ACSM1: variants seen among roughly 807,000 people sequenced by gnomAD.
The protein encoded by ACSM1 is acyl-CoA synthetase medium chain family member 1.
A neutral mutation model predicts 75.8 loss-of-function variants in ACSM1; 79 were observed. The ratio of observed to expected loss-of-function variants is 1.04; its 90% CI spans 0.87 to 1.26. ACSM1 has a LOEUF of 1.26. Ranked by LOEUF, ACSM1 falls within the 50% of genes most tolerant of loss-of-function variation. The pLI is 0.00. For synonymous variants in ACSM1, 279 were observed against 265.8 expected, an observed-to-expected ratio of 1.05 and a Z score of -0.48; for missense variants, 676 against 720.1, an observed-to-expected ratio of 0.94 and a Z score of 0.70.
chr16:20,642,618 T>C (rs1330674850), intron 7 of ACSM1, among the ~76,000 whole-genome samples: 1 of 152,230 alleles, frequency 6.6e-6, no homozygotes, highest in Non-Finnish European at 1.5e-5. Flanking sequence ...TCTACCCAGC[T>C]TATCCCCCGT....
At chr16:20,694,037 G>C (rs2079676929) in intron 1 of ACSM1, among the ~76,000 whole-genome samples, 1 of 152,164 alleles carries the variant, frequency 6.6e-6, no homozygotes, top group African/African-American at 2.4e-5. Context: ...ATTTGCCCTG[G>C]CATTCTTATA....
At chr16:20,683,646 C>CTTTT (rs36182498) in intron 3 of ACSM1, among the ~76,000 whole-genome samples, 3 of 136,854 alleles carry the variant, frequency 2.2e-5, no homozygotes, top group African/African-American at 5.5e-5. Flanking sequence ...CAGCTCAAGT[C>CTTTT]TTTTTTTTTT....
intron 7 of ACSM1, among the ~76,000 whole-genome samples, chr16:20,641,093 G>C (rs1381379666): frequency 6.6e-6 from 1 of 152,194 alleles, no homozygotes; most frequent in Non-Finnish European, 1.5e-5. Context: ...CATCAGAGCA[G>C]ATTAAGCTGA....
At chr16:20,624,268 A>G in intron 12 of ACSM1, 53 bp from the exon 13 acceptor site, 1 of 1,536,788 alleles carries the variant, frequency 6.5e-7, no homozygotes, top group Non-Finnish European at 8.8e-7. Context: ...TCCATAGCTT[A>G]AAAAGTCAAT....
Position 20,661,883 on chromosome 16 carries a change from G to T in ACSM1, c.913-10C>A. 6.3e-7 allele frequency: 1 copy of T among 1,579,218 alleles called. No homozygotes were observed. The highest frequency in any genetic ancestry group is 1.1e-5 in the South Asian group (1 of 89,232). On this transcript the variant is annotated splice_polypyrimidine_tract_variant and intron_variant, in intron 6 of 13. Transcript: ENST00000520010. ...GGTATTTCAACAATGTCTGGAAAGG[G>T]AAGAGAGAAGAAATTTTATTTTTAC...
chr16:20,695,588 A>G (rs995301904), intron 1 of ACSM1, among the ~76,000 whole-genome samples: 1 of 151,994 alleles, frequency 6.6e-6, no homozygotes, highest in Non-Finnish European at 1.5e-5. Flanking sequence ...CCTATCTATT[A>G]TCTATCTATC....
Position 20,682,375 on chromosome 16 carries a change from G to A in ACSM1, c.492C>T (p.Thr164=). 1 of 1,613,848 alleles carries A rather than the reference G, an allele frequency of 6.2e-7. No homozygotes were observed. The highest frequency in any genetic ancestry group is 8.5e-7 in the Non-Finnish European group (1 of 1,179,810). The part of the protein sequence containing the change: ...LQLSKAKGIV[T]IDALASEVDS... ...CCACCTCTGAGGCAAGGGCATCTAT[G>A]GTCACAATGCCCTTGGCTTTAGACA... The change falls in exon 4 of 14, where the codon ACC becomes ACT. Residue 164 remains threonine (T), a synonymous_variant. Transcript: ENST00000520010.
At chr16:20,695,719 C>T (rs1192775986) in intron 1 of ACSM1, among the ~76,000 whole-genome samples, 2 of 151,786 alleles carry the variant, frequency 1.3e-5, no homozygotes, top group Non-Finnish European at 2.9e-5. Context: ...ATATAAGAAC[C>T]TGATCTCCAA....
chr16:20,634,850 A>G (rs953778059), intron 10 of ACSM1, among the ~76,000 whole-genome samples: 1 of 152,230 alleles, frequency 6.6e-6, no homozygotes, highest in Non-Finnish European at 1.5e-5. Flanking sequence ...ATTTTATGTT[A>G]CATTTTATAT....
At chr16:20,671,438 A>T in intron 5 of ACSM1, 93 bp downstream of exon 5, 1 of 1,185,946 alleles carries the variant, frequency 8.4e-7, no homozygotes, top group Non-Finnish European at 1.1e-6. Context: ...TTCCTTTCCC[A>T]AGACACACAC....
intron 4 of ACSM1, among the ~76,000 whole-genome samples, chr16:20,678,011 AAAATAAATAAAT>A (rs146714630): frequency 3.5e-5 from 5 of 143,762 alleles, no homozygotes; most frequent in East Asian, 2.1e-4. Flanking sequence ...ACTAAAGGCT[AAAATAAATAAAT>A]AAATAAATAA....
intron 1 of ACSM1, among the ~76,000 whole-genome samples, chr16:20,695,427 A>C (rs1024544154): frequency 6.6e-6 from 1 of 152,236 alleles, no homozygotes; most frequent in Admixed American, 6.5e-5. Flanking sequence ...CTTATAGAGT[A>C]GTTAAGCCAG....
chr16:20,641,208 T>C (rs1257362633), intron 7 of ACSM1, among the ~76,000 whole-genome samples: 1 of 152,202 alleles, frequency 6.6e-6, no homozygotes. Flanking sequence ...TAAAATATTT[T>C]ACCCCAAAAT....
chr16:20,670,121 C>T, intron 5 of ACSM1, 135 bp from the exon 6 acceptor site: 1 of 812,050 alleles, frequency 1.2e-6, no homozygotes, highest in African/African-American at 1.7e-5. Flanking sequence ...TCCATACCAC[C>T]CTCAGGCCAG....
intron 4 of ACSM1, among the ~76,000 whole-genome samples, chr16:20,677,543 C>T (rs76742930): frequency 2.0e-4 from 31 of 152,302 alleles, no homozygotes; most frequent in South Asian, 1.9e-3. Flanking sequence ...CAGGAGACCC[C>T]CTTCATTGCT....
intron 6 of ACSM1, among the ~76,000 whole-genome samples, chr16:20,665,560 A>G (rs1454932966): frequency 6.6e-6 from 1 of 152,206 alleles, no homozygotes; most frequent in East Asian, 1.9e-4. Context: ...TAACAGATAT[A>G]CAAAGAACTG....
At chr16:20,630,774 C>T (rs1352278204) in intron 10 of ACSM1, among the ~76,000 whole-genome samples, 1 of 152,070 alleles carries the variant, frequency 6.6e-6, no homozygotes, top group Non-Finnish European at 1.5e-5. Flanking sequence ...TATATTAGGC[C>T]AGAAGAGAAG....
intron 12 of ACSM1, among the ~76,000 whole-genome samples, chr16:20,624,866 C>T (rs1456886180): frequency 1.3e-5 from 2 of 151,840 alleles, no homozygotes; most frequent in African/African-American, 4.8e-5. Context: ...ACCCACCTGC[C>T]CCCACCACAC....
intron 11 of ACSM1, among the ~76,000 whole-genome samples, chr16:20,626,103 AGGCT>A (rs2016907978): frequency 6.6e-6 from 1 of 152,144 alleles, no homozygotes; most frequent in Non-Finnish European, 1.5e-5. Context: ...AATCCCATCC[AGGCT>A]GGGCATGGTG....
Sources: allele counts gnomAD v4.1 joint callset (sites outside exome capture counted in the v4.1 genomes callset), GRCh38; gene constraint gnomAD v4.1.1; transcripts MANE v1.5; gene names NCBI Gene and HGNC (gene_info 2026-07-23, HGNC 2026-07-21).